LRMDA: variants seen among roughly 807,000 people sequenced by gnomAD.
The protein encoded by LRMDA is leucine-rich melanocyte differentiation-associated protein.
In LRMDA, 18 loss-of-function variants were observed where a neutral mutation model predicts 29.8. The ratio of observed to expected loss-of-function variants is 0.60; its 90% confidence interval spans 0.42 to 0.90. The LOEUF (loss-of-function observed/expected upper bound fraction) is 0.90, where lower values mean the gene tolerates loss of function less well. LRMDA is among the 40% of genes least tolerant of loss of function. LRMDA has a pLI of 0.00. For missense variants in LRMDA, 273 were observed against 273.9 expected (o/e 1.00, Z 0.02); for synonymous variants, 125 against 109.4 (o/e 1.14, Z -0.89).
chr10:76,399,961 G>A (rs1027448055), intron 6 of LRMDA, among the ~76,000 whole-genome samples: 7 of 152,088 alleles, frequency 4.6e-5, no homozygotes, highest in African/African-American at 1.4e-4. Flanking sequence ...CTGTTATCTG[G>A]TGTTCATACC....
chr10:76,270,661 T>G (rs1459349223), intron 5 of LRMDA: 1 of 152,190 alleles, frequency 6.6e-6, no homozygotes, highest in Non-Finnish European at 1.5e-5. Flanking sequence ...ATGGGCATTT[T>G]AATCCTCTCT....
In LRMDA at chr10:75,633,755, G is replaced by T. The variant is rs550744616; in HGVS notation, c.131+195261G>T. The stretch of plus-strand genomic sequence containing the variant: ...GAATTCAAAGCTGGTAGTGTAGACT[G>T]AGTTGATGATGGATCCAGTTGTAAA... On this transcript the variant is annotated intron_variant, in intron 2 of 6. Coordinates refer to ENST00000611255, the MANE Select transcript of LRMDA (RefSeq NM_001305581.2). Among the ~76,000 whole-genome samples the T allele has an allele frequency of 2.1e-4, 32 of 152,210 alleles. 1 individual carries two copies. The South Asian group carries it at 6.2e-3, about 30-fold the overall frequency.
intron 2 of LRMDA, among the ~76,000 whole-genome samples, chr10:75,829,861 T>C: frequency 6.7e-6 from 1 of 150,176 alleles, no homozygotes; most frequent in East Asian, 1.9e-4. Flanking sequence ...TTTTTTTTTT[T>C]TTTTGCTGCT....
At chr10:76,088,096 G>C (rs1849166931) in intron 5 of LRMDA, among the ~76,000 whole-genome samples, 1 of 152,130 alleles carries the variant, frequency 6.6e-6, no homozygotes, top group Non-Finnish European at 1.5e-5. Context: ...CTCCAGCCTG[G>C]GTGACAGCAA....
chr10:75,538,389 G>C (rs763486718), intron 2 of LRMDA, among the ~76,000 whole-genome samples: 1 of 152,166 alleles, frequency 6.6e-6, no homozygotes, highest in Non-Finnish European at 1.5e-5. Flanking sequence ...AGCATGCCTA[G>C]TGAGTGAATG....
chr10:75,987,801 C>G (rs143045178), intron 2 of LRMDA, among the ~76,000 whole-genome samples: 6 of 152,208 alleles, frequency 3.9e-5, no homozygotes, highest in South Asian at 4.1e-4. Flanking sequence ...GGAGGGAGCA[C>G]TGGGCAGCCC....
At chr10:75,447,888 C>T (rs1355276319) in intron 2 of LRMDA, among the ~76,000 whole-genome samples, 1 of 152,182 alleles carries the variant, frequency 6.6e-6, no homozygotes, top group African/African-American at 2.4e-5. Flanking sequence ...GACCCAGTCT[C>T]AACAACAAAC....
chr10:75,697,108 G>A (rs1012354571), intron 2 of LRMDA, among the ~76,000 whole-genome samples: 5 of 152,120 alleles, frequency 3.3e-5, no homozygotes, highest in African/African-American at 1.2e-4. Context: ...GTGAGGAGAT[G>A]TTCAGCAGAG....
chr10:75,631,450 T>C (rs775630017), intron 2 of LRMDA, among the ~76,000 whole-genome samples: 2 of 152,110 alleles, frequency 1.3e-5, no homozygotes, highest in Non-Finnish European at 2.9e-5. Flanking sequence ...TAGAGTGCTT[T>C]GGCCATAAGA....
chr10:75,636,115 A>G (rs1489119992), intron 2 of LRMDA, among the ~76,000 whole-genome samples: 1 of 152,214 alleles, frequency 6.6e-6, no homozygotes, highest in African/African-American at 2.4e-5. Context: ...GTATCCATCT[A>G]CCTATCCACC....
intron 2 of LRMDA, among the ~76,000 whole-genome samples, chr10:75,789,999 A>G (rs1024488558): frequency 1.3e-5 from 2 of 152,196 alleles, no homozygotes; most frequent in Non-Finnish European, 2.9e-5. Context: ...TATGCCTAGC[A>G]CAGAACTTTG....
chr10:75,965,877 G>A (rs1261429023), intron 2 of LRMDA, among the ~76,000 whole-genome samples: 1 of 152,150 alleles, frequency 6.6e-6, no homozygotes, highest in Non-Finnish European at 1.5e-5. Flanking sequence ...TTGACACTGG[G>A]TTTATACACA....
intron 2 of LRMDA, among the ~76,000 whole-genome samples, chr10:75,955,465 GA>G (rs1846648630): frequency 6.6e-6 from 1 of 152,144 alleles, no homozygotes; most frequent in African/African-American, 2.4e-5. Flanking sequence ...GGTGTCCTTG[GA>G]ATTTATAACA....
chr10:75,469,587 CGTGTGT>C (rs59056579), intron 2 of LRMDA, among the ~76,000 whole-genome samples: 3 of 150,904 alleles, frequency 2.0e-5, no homozygotes, highest in Non-Finnish European at 3.0e-5. Flanking sequence ...AGTGTATGTG[CGTGTGT>C]GTGTGTGTGT....
At chr10:75,975,751 A>G (rs961724005) in intron 2 of LRMDA, among the ~76,000 whole-genome samples, 5 of 152,184 alleles carry the variant, frequency 3.3e-5, no homozygotes, top group Non-Finnish European at 7.3e-5. Flanking sequence ...TGTCTGCTCA[A>G]TATTCTACAG....
At chr10:76,364,275 C>G (rs941627192) in intron 6 of LRMDA, among the ~76,000 whole-genome samples, 3 of 152,034 alleles carry the variant, frequency 2.0e-5, no homozygotes, top group Non-Finnish European at 4.4e-5. Flanking sequence ...AAGCTCACAG[C>G]TTAAGTGAGA....
At chr10:76,326,515 A>G (rs538823097) in intron 6 of LRMDA, among the ~76,000 whole-genome samples, 11 of 152,350 alleles carry the variant, frequency 7.2e-5, no homozygotes, top group Middle Eastern at 3.4e-3. Flanking sequence ...AATTACATCA[A>G]TTCTTTCTCA....
chr10:76,087,132 G>A (rs1188451701), intron 5 of LRMDA, among the ~76,000 whole-genome samples: 1 of 152,180 alleles, frequency 6.6e-6, no homozygotes, highest in African/African-American at 2.4e-5. Context: ...TGCCTGGTGG[G>A]GCGGGTGGCA....
chr10:75,469,710 C>G (rs375227173), intron 2 of LRMDA, among the ~76,000 whole-genome samples: 1 of 152,126 alleles, frequency 6.6e-6, no homozygotes, highest in Non-Finnish European at 1.5e-5. Flanking sequence ...AGTTGCAGAA[C>G]AATGCTAGAC....
Sources: gnomAD v4.1 joint callset for allele counts (sites outside exome capture counted in the v4.1 genomes callset) on GRCh38, gnomAD v4.1.1 for gene constraint, MANE v1.5 for transcripts, NCBI Gene and HGNC (gene_info 2026-07-23, HGNC 2026-07-21) for gene names.